Variants in SLIT3 observed in about 807,000 individuals in gnomAD.
The protein encoded by SLIT3 is slit homolog 3 protein.
In SLIT3, 68 loss-of-function variants were observed where a neutral mutation model predicts 184.0. The observed-to-expected ratio is 0.37, with a 90% CI of 0.30 to 0.45. The LOEUF (loss-of-function observed/expected upper bound fraction) is 0.45. Among genes scored for constraint, SLIT3 ranks in the 20% least tolerant of loss-of-function variants. The pLI is 1.00. For synonymous variants in SLIT3, 831 were observed against 828.6 expected, an observed-to-expected ratio of 1.00 and a Z score of -0.05; for missense variants, 1,707 against 2,026.0, an observed-to-expected ratio of 0.84 and a Z score of 3.02.
rs770461244 is a variant in SLIT3 at position 168,669,966 on chromosome 5, T to C, written c.4153A>G (p.Thr1385Ala). ...HRCHHGKCVA[T>A]GTSYMCKCAE... ...CACTTGCACATGTATGAGGTCCCAG[T>C]TGCCACACATTTTCCATGGTGGCAT... Residue 1385 changes from threonine (T) to alanine (A), a missense_variant, in exon 35 of 36, where the codon ACT becomes GCT. Physicochemically the swap from Thr to Ala is moderately conservative, Grantham distance 58. This residue lies in a region of SLIT3 where 387 missense variants were observed against 477.9 expected (regional missense o/e 0.81). Transcript: ENST00000519560. The C allele has an allele frequency of 6.2e-7, 1 of 1,614,148 alleles. No individual in the cohort carries two copies. The highest frequency in any genetic ancestry group is 8.5e-7 in the Non-Finnish European group (1 of 1,180,016).
intron 3 of SLIT3, among the ~76,000 whole-genome samples, chr5:169,210,717 G>A (rs944214202): frequency 5.9e-5 from 9 of 152,162 alleles, no homozygotes; most frequent in Non-Finnish European, 1.3e-4. Flanking sequence ...AAAGTAAGAG[G>A]AGAAACAGGA....
chr5:169,005,232 C>T (rs914974624), intron 4 of SLIT3, among the ~76,000 whole-genome samples: 10 of 151,988 alleles, frequency 6.6e-5, no homozygotes, highest in African/African-American at 1.2e-4. Flanking sequence ...CACTTTATTG[C>T]GATACTCACT....
chr5:168,844,501 C>T (rs938669533), intron 6 of SLIT3, 83 bp downstream of exon 6: 24 of 1,266,556 alleles, frequency 1.9e-5, no homozygotes, highest in Admixed American at 1.8e-4. Flanking sequence ...ACACACTCTC[C>T]CCCTCTCTCC....
intron 4 of SLIT3, among the ~76,000 whole-genome samples, chr5:169,076,738 A>G (rs1052306535): frequency 1.3e-5 from 2 of 152,068 alleles, no homozygotes; most frequent in Non-Finnish European, 2.9e-5. Context: ...GGTGAATATA[A>G]CCTTTCCCAA....
chr5:168,959,510 A>G (rs1762938543), intron 4 of SLIT3, among the ~76,000 whole-genome samples: 1 of 152,198 alleles, frequency 6.6e-6, no homozygotes, highest in African/African-American at 2.4e-5. Context: ...TAAAGCATCT[A>G]TAAGTGGAAG....
chr5:169,067,368 T>C (rs931304465), intron 4 of SLIT3, among the ~76,000 whole-genome samples: 3 of 151,976 alleles, frequency 2.0e-5, no homozygotes, highest in African/African-American at 7.3e-5. Context: ...ATCACACCAT[T>C]GCACTTCAGC....
intron 4 of SLIT3, among the ~76,000 whole-genome samples, chr5:169,181,805 C>T (rs572044830): frequency 6.6e-6 from 1 of 151,940 alleles, no homozygotes; most frequent in Non-Finnish European, 1.5e-5. Context: ...TACAGTTTCA[C>T]AAATCCCAAA....
intron 4 of SLIT3, among the ~76,000 whole-genome samples, chr5:168,884,549 G>GATAGATATATATATATAT (rs1554153412): frequency 7.3e-5 from 3 of 41,152 alleles, no homozygotes; most frequent in South Asian, 1.4e-3. Flanking sequence ...CCAATTACGA[G>GATAGATATATATATATAT]ATATATATAT....
chr5:169,200,356 C>T (rs1763872766), intron 3 of SLIT3, among the ~76,000 whole-genome samples: 1 of 152,220 alleles, frequency 6.6e-6, no homozygotes, highest in Non-Finnish European at 1.5e-5. Flanking sequence ...TCCCCTTCCC[C>T]AGGCAGCTTC....
intron 4 of SLIT3, among the ~76,000 whole-genome samples, chr5:169,101,115 T>C (rs1759995696): frequency 6.6e-6 from 1 of 152,228 alleles, no homozygotes; most frequent in Admixed American, 6.5e-5. Flanking sequence ...CTGAAGTTAG[T>C]GTTTCCACTT....
intron 3 of SLIT3, among the ~76,000 whole-genome samples, chr5:169,236,676 T>C (rs970516767): frequency 6.6e-6 from 1 of 152,122 alleles, no homozygotes; most frequent in African/African-American, 2.4e-5. Flanking sequence ...TTCGCCATGT[T>C]AGCCAGGATG....
intron 5 of SLIT3, among the ~76,000 whole-genome samples, chr5:168,857,963 C>G (rs954497369): frequency 5.9e-5 from 9 of 152,182 alleles, no homozygotes; most frequent in African/African-American, 2.2e-4. Context: ...GTCGGGCCAC[C>G]GGGGATCCTT....
intron 4 of SLIT3, among the ~76,000 whole-genome samples, chr5:169,042,417 G>A (rs1561626680): frequency 6.6e-6 from 1 of 152,158 alleles, no homozygotes; most frequent in Non-Finnish European, 1.5e-5. Flanking sequence ...TAATTTCAAA[G>A]GCTTCACTCT....
At chr5:168,758,594 G>T (rs1264439550) in intron 16 of SLIT3, among the ~76,000 whole-genome samples, 1 of 152,214 alleles carries the variant, frequency 6.6e-6, no homozygotes, top group Non-Finnish European at 1.5e-5. Context: ...TCACCCAAGT[G>T]TGCCCTTCTC....
intron 4 of SLIT3, among the ~76,000 whole-genome samples, chr5:169,075,841 A>G (rs1419264591): frequency 1.3e-5 from 2 of 152,206 alleles, no homozygotes; most frequent in Non-Finnish European, 2.9e-5. Flanking sequence ...CCTTCTGTCT[A>G]TCTATCTACA....
chr5:168,737,691 T>C (rs1474928748), intron 20 of SLIT3, among the ~76,000 whole-genome samples: 2 of 152,124 alleles, frequency 1.3e-5, no homozygotes, highest in African/African-American at 4.8e-5. Context: ...GGGGTAGATA[T>C]GGGGGAAAGC....
At chr5:168,904,483 A>AAACAACAAT (rs2113042906) in intron 4 of SLIT3, among the ~76,000 whole-genome samples, 1 of 82,442 alleles carries the variant, frequency 1.2e-5, no homozygotes, top group East Asian at 4.2e-4. Context: ...CTTACTTTAG[A>AAACAACAAT]AATAACAATA....
chr5:169,118,114 G>T (rs533989078), intron 4 of SLIT3, among the ~76,000 whole-genome samples: 6 of 152,294 alleles, frequency 3.9e-5, no homozygotes, highest in Non-Finnish European at 5.9e-5. Flanking sequence ...GGAGTTCAAG[G>T]CTGCACTGAG....
chr5:169,092,187 C>A (rs929876252), intron 4 of SLIT3, among the ~76,000 whole-genome samples: 5 of 152,150 alleles, frequency 3.3e-5, no homozygotes, highest in African/African-American at 4.8e-5. Context: ...CGTGCCATTG[C>A]ACTCCAGTCT....
Sources: gnomAD v4.1 joint callset for allele counts (sites outside exome capture counted in the v4.1 genomes callset) on GRCh38, gnomAD v4.1.1 for gene constraint, gnomAD v4.1.1 regional missense constraint, MANE v1.5 for transcripts, NCBI Gene and HGNC (gene_info 2026-07-23, HGNC 2026-07-21) for gene names.